EPOR: variants seen among roughly 807,000 people sequenced by gnomAD.
EPOR encodes the protein erythropoietin receptor.
In EPOR, 20 loss-of-function variants were observed where a neutral mutation model predicts 34.3. The ratio of observed to expected loss-of-function variants is 0.58; its 90% CI spans 0.41 to 0.85. The LOEUF (loss-of-function observed/expected upper bound fraction) is 0.85, where lower values mean the gene tolerates loss of function less well. EPOR is among the 40% of genes least tolerant of loss of function. The pLI is 0.00. For synonymous variants in EPOR, 312 were observed against 299.0 expected, an observed-to-expected ratio of 1.04 and a Z score of -0.45; for missense variants, 601 against 672.7, an observed-to-expected ratio of 0.89 and a Z score of 1.18.
Position 11,378,426 on chromosome 19 carries a change from T to A in EPOR, c.1085A>T (p.Glu362Val), listed in dbSNP as rs1968312412. ...CACCAGATAGGTATCCTGGGCATGC[T>A]CACTGCCCACTGGCTCCAGCAGGGG... ...EGPLLEPVGS[E>V]HAQDTYLVLD... Residue 362 changes from glutamate (E) to valine (V), a missense_variant, in exon 8 of 8, where the codon GAG (glutamate) becomes GTG (valine). Physicochemically the swap from Glu to Val is moderately radical, Grantham distance 121. Coordinates refer to ENST00000222139, the MANE Select transcript of EPOR (RefSeq NM_000121.4). The surrounding 1 kb of genome is among the most constrained non-coding windows in gnomAD (Gnocchi z 5.3). 1 of 1,614,018 alleles carries A rather than the reference T, an allele frequency of 6.2e-7. No individual in the cohort carries two copies. The highest frequency in any genetic ancestry group is 2.2e-5 in the East Asian group (1 of 44,878).
chr19:11,382,525 G>A (rs1423098127), intron 2 of EPOR, among the ~76,000 whole-genome samples: 1 of 151,956 alleles, frequency 6.6e-6, no homozygotes, highest in Non-Finnish European at 1.5e-5. Context: ...CACCACGCCC[G>A]GCTAATTTTG....
rs192491093 is a variant in EPOR at position 11,382,138 on chromosome 19, G to C, written c.252-33C>G. ...CCCAGGGAAGGGAGCAGGTTGGGAG[G>C]GGGGACCGGGGAGTTGGCATTGCCC... On this transcript the variant is annotated intron_variant, in intron 2 of 7. Transcript: ENST00000222139. 53 of 1,598,608 alleles carry C rather than the reference G, an allele frequency of 3.3e-5. No individual in the cohort carries two copies. The Middle Eastern group carries it at 6.7e-4, about 20-fold the overall frequency.
At position 11,381,632 on chromosome 19, in the gene EPOR, G is replaced by T. The variant is rs551636869; in HGVS notation, c.585+60C>A. 3 of 1,537,218 alleles carry T rather than the reference G, an allele frequency of 2.0e-6. No homozygotes were observed. The highest frequency in any genetic ancestry group is 2.6e-6 in the Non-Finnish European group (3 of 1,136,044). ...AGCGGCACCGGGCGCGACCTCGAGA[G>T]GCGTGGCTGGGCCGTAGTCAGTGGA... On this transcript the variant is annotated intron_variant, in intron 4 of 7. Transcript: ENST00000222139. This position sits in a 1 kb window ranked among gnomAD's most constrained non-coding sequence, Gnocchi z 5.3.
chr19:11,380,397 T>C (rs1177569737), intron 6 of EPOR, among the ~76,000 whole-genome samples: 1 of 152,166 alleles, frequency 6.6e-6, no homozygotes, highest in African/African-American at 2.4e-5. Flanking sequence ...GACTAGAAGA[T>C]TGCTTAGCAG....
At chr19:11,379,541 C>G (rs952261823) in intron 6 of EPOR, among the ~76,000 whole-genome samples, 2 of 151,472 alleles carry the variant, frequency 1.3e-5, no homozygotes, top group African/African-American at 2.4e-5. Context: ...CTGCACTGCA[C>G]TACAGCTTGG....
In EPOR at chr19:11,383,270, AG is replaced by A. The variant is rs778551793; in HGVS notation, c.116-39del. ...GACAAAGGAAGGGCATGGGGGTCTG[AG>A]CTCTATCCTCGGGAGACAGCCCCCT... On this transcript the variant is annotated intron_variant, in intron 1 of 7. Coordinates refer to ENST00000222139, the MANE Select transcript of EPOR (RefSeq NM_000121.4). This position sits in a 1 kb window ranked among gnomAD's most constrained non-coding sequence, Gnocchi z 4.9. 1.3e-6 allele frequency: 2 copies of A among 1,545,524 alleles called. No individual in the cohort carries two copies. The highest frequency in any genetic ancestry group is 1.7e-6 in the Non-Finnish European group (2 of 1,149,936).
At position 11,383,076 on chromosome 19, in the gene EPOR, C is replaced by A. The variant is rs1473792781; in HGVS notation, c.251+21G>T. 3 of 1,613,084 alleles carry A rather than the reference C, an allele frequency of 1.9e-6. No homozygotes were observed. Among genetic ancestry groups the A allele is most frequent in the East Asian group, 2.2e-5 (1 of 44,868 alleles). ...CACCCCCTCCCTCCGCCCTTGGAGG[C>A]ACCCGCCGGATCGGACTCACTCGAG... is the stretch of plus-strand genomic sequence containing the variant. On this transcript the variant is annotated intron_variant, in intron 2 of 7. Transcript: ENST00000222139. The surrounding 1 kb of genome is among the most constrained non-coding windows in gnomAD (Gnocchi z 4.9).
Position 11,383,090 on chromosome 19 carries a change from G to A in EPOR, c.251+7C>T, listed in dbSNP as rs199788179. 9.9e-6 allele frequency: 16 copies of A among 1,613,560 alleles called. No homozygotes were observed. Among genetic ancestry groups the A allele is most frequent in the Non-Finnish European group, 1.4e-5 (16 of 1,179,896 alleles). ...GCCCTTGGAGGCACCCGCCGGATCG[G>A]ACTCACTCGAGCTGGTAGGAGAAGC... On this transcript the variant is annotated splice_region_variant and intron_variant, in intron 2 of 7. Transcript: ENST00000222139. The surrounding 1 kb of genome is among the most constrained non-coding windows in gnomAD (Gnocchi z 4.9).
Position 11,381,341 on chromosome 19 carries a change from TA to T in EPOR, c.586-133del. ...AGAATTGCAATGGGACCAATAAGAG[TA>T]GGGGGAGGAGCCCAAGAAAGCTCAG... On this transcript the variant is annotated intron_variant, in intron 4 of 7. Coordinates refer to ENST00000222139, the MANE Select transcript of EPOR (RefSeq NM_000121.4). The surrounding 1 kb of genome is among the most constrained non-coding windows in gnomAD (Gnocchi z 5.3). 1.0e-6 allele frequency: 1 copy of T among 990,486 alleles called. No homozygotes were observed. The highest frequency in any genetic ancestry group is 1.5e-6 in the Non-Finnish European group (1 of 657,438). The allele number at this position is 990,486 out of a possible 1,614,324, so 61.4% of individuals were successfully genotyped here. A position where few individuals can be genotyped will look rare whatever the true frequency, so the allele number is the denominator to read the frequency against.
chr19:11,383,434 C>A lies in EPOR; in HGVS notation c.116-202G>T. The A allele has an allele frequency of 1.8e-6, 1 of 561,282 alleles. No homozygotes were observed. The highest frequency in any genetic ancestry group is 3.1e-6 in the Non-Finnish European group (1 of 322,706). The allele number at this position is 561,282 out of a possible 1,614,324, so 34.8% of individuals were successfully genotyped here. On this transcript the variant is annotated intron_variant, in intron 1 of 7. Coordinates refer to ENST00000222139, the MANE Select transcript of EPOR (RefSeq NM_000121.4). The surrounding 1 kb of genome is among the most constrained non-coding windows in gnomAD (Gnocchi z 4.9). The stretch of plus-strand genomic sequence containing the variant: ...AGGGGCAAGTTTCTCGCCTTACTGT[C>A]CCCCGCCGTCACCACTGGCGCACAC...
Position 11,381,093 on chromosome 19 carries a change from G to T in EPOR, c.702C>A (p.Ser234Arg). The change falls in exon 5 of 8, where the codon AGC (serine) becomes AGA (arginine). Residue 234 changes from serine (S) to arginine (R), a missense_variant. Transcript: ENST00000222139. The surrounding 1 kb of genome is among the most constrained non-coding windows in gnomAD (Gnocchi z 5.3). ...GCAGCGACACAGGCTCCGACCAGGC[G>T]CTCCAGAAGCCGCCGAAGCTCGGCT... ...MAEPSFGGFW[S>R]AWSEPVSLLT... The T allele has an allele frequency of 1.3e-6, 2 of 1,597,512 alleles. No homozygotes were observed. Among genetic ancestry groups the T allele is most frequent in the Non-Finnish European group, 1.7e-6 (2 of 1,172,374 alleles).
chr19:11,382,341 C>T (rs1456516911), intron 2 of EPOR, among the ~76,000 whole-genome samples: 1 of 150,404 alleles, frequency 6.6e-6, no homozygotes, highest in East Asian at 1.9e-4. Context: ...GTTGAGACCA[C>T]AGGCACGCGC....
chr19:11,383,059 C>T lies in EPOR; in HGVS notation c.251+38G>A. 3.7e-6 allele frequency: 6 copies of T among 1,612,494 alleles called. No homozygotes were observed. Among genetic ancestry groups the T allele is most frequent in the Non-Finnish European group, 4.2e-6 (5 of 1,179,736 alleles). ...TCCAGGGAGCTCTGCCCCACCCCCT[C>T]CCTCCGCCCTTGGAGGCACCCGCCG... is the stretch of plus-strand genomic sequence containing the variant. On this transcript the variant is annotated intron_variant, in intron 2 of 7. Coordinates refer to ENST00000222139, the MANE Select transcript of EPOR (RefSeq NM_000121.4). The surrounding 1 kb of genome is among the most constrained non-coding windows in gnomAD (Gnocchi z 4.9).
rs756971485 is a variant in EPOR at position 11,381,675 on chromosome 19, G to T, written c.585+17C>A. On this transcript the variant is annotated intron_variant, in intron 4 of 7. Transcript: ENST00000222139. The surrounding 1 kb of genome is among the most constrained non-coding windows in gnomAD (Gnocchi z 5.3). The stretch of plus-strand genomic sequence containing the variant: ...TCAGTGGAGCTTTGGGGGCTGGGCC[G>T]TAGGGGCTGGCCTCACCCTCTGTAC... 1.7e-5 allele frequency: 27 copies of T among 1,593,138 alleles called. No individual in the cohort carries two copies. The highest frequency in any genetic ancestry group is 3.5e-5 in the Admixed American group (2 of 57,868).
In EPOR at chr19:11,383,511, T is replaced by G; in HGVS notation, c.116-279A>C. 5.5e-6 allele frequency: 2 copies of G among 364,800 alleles called. No homozygotes were observed. The allele number at this position is 364,800 out of a possible 1,614,324, so 22.6% of individuals were successfully genotyped here. A position where few individuals can be genotyped will look rare whatever the true frequency, so the allele number is the denominator to read the frequency against. On this transcript the variant is annotated intron_variant, in intron 1 of 7. Coordinates refer to ENST00000222139, the MANE Select transcript of EPOR (RefSeq NM_000121.4). This position sits in a 1 kb window ranked among gnomAD's most constrained non-coding sequence, Gnocchi z 4.9. ...GGGCGCGGCGTTCAAGACCTCGAGC[T>G]CGGGACTGCCAGCCCCGCCCCAGCC...
At position 11,383,707 on chromosome 19, in the gene EPOR, C is replaced by A. The variant is rs1968397243; in HGVS notation, c.115+386G>T. 6.6e-6 allele frequency among the ~76,000 whole-genome samples: 1 copy of A among 152,090 alleles called. No homozygotes were observed. Among genetic ancestry groups the A allele is most frequent in the South Asian group, 2.1e-4 (1 of 4,828 alleles). On this transcript the variant is annotated intron_variant, in intron 1 of 7. Coordinates refer to ENST00000222139, the MANE Select transcript of EPOR (RefSeq NM_000121.4). This position sits in a 1 kb window ranked among gnomAD's most constrained non-coding sequence, Gnocchi z 4.9. ...AAACCGTGTTTACAGTAGCCTGTGG[C>A]TTGGCCCCTCTAACTCGGACCCGGG...
At position 11,382,803 on chromosome 19, in the gene EPOR, C is replaced by G. The variant is rs1262918202; in HGVS notation, c.251+294G>C. 7 of 1,383,646 alleles carry G rather than the reference C, an allele frequency of 5.1e-6. No individual in the cohort carries two copies. In the South Asian group the frequency reaches 6.7e-5, roughly 13 times the overall value. 85.7% of individuals were successfully genotyped at this position (1,383,646 alleles called of 1,614,324 possible). A position where few individuals can be genotyped will look rare whatever the true frequency, so the allele number is the denominator to read the frequency against. On this transcript the variant is annotated intron_variant, in intron 2 of 7. Transcript: ENST00000222139. Reference sequence around the variant, plus strand: ...GCCACTGCTGGCCTCCTTTTGGATACTACCTCGAGAAGGCGTCCCAGCCCC... The same window carrying G: ...GCCACTGCTGGCCTCCTTTTGGATAGTACCTCGAGAAGGCGTCCCAGCCCC...
Position 11,381,999 on chromosome 19 carries a change from G to A in EPOR, c.358C>T (p.Leu120=), listed in dbSNP as rs1193981856. The part of the protein sequence containing the change: ...PTADTSSFVP[L]ELRVTAASGA... ...GAGGCTGCTGTGACGCGCAACTCTAGGGGCACGAAGCTCGACGTGTCGGCT... is the reference window on the plus strand; with the variant it reads ...GAGGCTGCTGTGACGCGCAACTCTAAGGGCACGAAGCTCGACGTGTCGGCT... The change falls in exon 3 of 8, where the codon CTA becomes TTA. Residue 120 remains leucine (L), a synonymous_variant. Coordinates refer to ENST00000222139, the MANE Select transcript of EPOR (RefSeq NM_000121.4). The surrounding 1 kb of genome is among the most constrained non-coding windows in gnomAD (Gnocchi z 5.3). 6.2e-6 allele frequency: 10 copies of A among 1,614,230 alleles called. No homozygotes were observed. Among genetic ancestry groups the A allele is most frequent in the East Asian group, 2.2e-5 (1 of 44,880 alleles).
intron 6 of EPOR, among the ~76,000 whole-genome samples, chr19:11,380,401 T>C (rs1235672436): frequency 6.6e-6 from 1 of 152,206 alleles, no homozygotes; most frequent in Non-Finnish European, 1.5e-5. Flanking sequence ...AGAAGATTGC[T>C]TAGCAGACAA....
Sources: allele counts gnomAD v4.1 joint callset (sites outside exome capture counted in the v4.1 genomes callset), GRCh38; gene constraint gnomAD v4.1.1; non-coding constraint Gnocchi (gnomAD v3.1); transcripts MANE v1.5; gene names NCBI Gene and HGNC (gene_info 2026-07-23, HGNC 2026-07-21).